The following ANKRD40 variants were observed in gnomAD, a reference collection of about 807,000 sequenced individuals.
ANKRD40 encodes the protein ankyrin repeat domain-containing protein 40.
In ANKRD40, 24 loss-of-function variants were observed where a neutral mutation model predicts 35.5. The observed-to-expected ratio is 0.68, with a 90% CI of 0.49 to 0.95. The LOEUF is 0.95. Among genes scored for constraint, ANKRD40 ranks in the 40% least tolerant of loss-of-function variants. The pLI is 0.00. For synonymous variants in ANKRD40, 147 were observed against 173.5 expected, an observed-to-expected ratio of 0.85 and a Z score of 1.20; for missense variants, 361 against 436.0, an observed-to-expected ratio of 0.83 and a Z score of 1.53.
chr17:50,704,033 G>C (rs1360486418), intron 1 of ANKRD40, among the ~76,000 whole-genome samples: 1 of 151,888 alleles, frequency 6.6e-6, no homozygotes. Flanking sequence ...TGGCTGACTG[G>C]ATGTCGGCTA....
At chr17:50,700,448 A>C in intron 2 of ANKRD40, 120 bp downstream of exon 2, 1 of 948,144 alleles carries the variant, frequency 1.1e-6, no homozygotes, top group Non-Finnish European at 1.4e-6. Context: ...CGTCTCGGAA[A>C]AAAAAAAAAA....
intron 3 of ANKRD40, among the ~76,000 whole-genome samples, chr17:50,698,564 G>T (rs1968226401): frequency 6.6e-6 from 1 of 152,144 alleles, no homozygotes; most frequent in Non-Finnish European, 1.5e-5. Context: ...AAAGGGTAAA[G>T]ATTCCAGATT....
chr17:50,707,765 G>A lies in ANKRD40; in HGVS notation c.-111C>T. 1.3e-6 allele frequency: 1 copy of A among 773,996 alleles called. No homozygotes were observed. The highest frequency in any genetic ancestry group is 1.6e-6 in the Non-Finnish European group (1 of 615,650). The allele number at this position is 773,996 out of a possible 1,614,324, so 47.9% of individuals were successfully genotyped here. ...GCTCCCGGCCATGGGGAGGGAGCGC[G>A]GAACTCGCCCGCCCTGCTCGCGCCG... On this transcript the variant is annotated 5_prime_UTR_variant, in exon 1 of 5. Transcript: ENST00000285243. The surrounding 1 kb of genome is among the most constrained non-coding windows in gnomAD (Gnocchi z 4.8).
intron 1 of ANKRD40, among the ~76,000 whole-genome samples, chr17:50,706,634 G>C (rs970582245): frequency 2.0e-5 from 3 of 151,122 alleles, no homozygotes; most frequent in Non-Finnish European, 4.4e-5. Context: ...GGAACGGTAG[G>C]CTCACATCTG....
chr17:50,700,495 G>T, intron 2 of ANKRD40, 73 bp downstream of exon 2: 181 of 1,271,500 alleles, frequency 1.4e-4, no homozygotes, highest in Non-Finnish European at 1.9e-4. Flanking sequence ...CCAGCATTAA[G>T]AACGTAGCCA....
intron 2 of ANKRD40, 73 bp from the exon 3 acceptor site, chr17:50,699,966 G>C (rs1376197880): frequency 2.9e-6 from 4 of 1,380,124 alleles, no homozygotes; most frequent in Non-Finnish European, 3.8e-6. Flanking sequence ...TTTGAAAGTG[G>C]TGTCTTTTGG....
chr17:50,694,103 C>G lies in ANKRD40; in HGVS notation c.*1894G>C, dbSNP rs888428979. On this transcript the variant is annotated 3_prime_UTR_variant, in exon 5 of 5. Coordinates refer to ENST00000285243, the MANE Select transcript of ANKRD40 (RefSeq NM_052855.4). ...TGAGATTATGCCACTGCACTTCAGC[C>G]TGGGCAACAAAGCAAGACTCCGTCT... The G allele has an allele frequency of 3.0e-5, 3 of 98,370 alleles. No individual in the cohort carries two copies. The highest frequency in any genetic ancestry group is 1.2e-4 in the African/African-American group (3 of 24,420). The allele number at this position is 98,370 out of a possible 1,614,324, so 6.1% of individuals were successfully genotyped here.
At chr17:50,698,566 T>G (rs748408305) in intron 3 of ANKRD40, among the ~76,000 whole-genome samples, 3 of 152,082 alleles carry the variant, frequency 2.0e-5, no homozygotes, top group Non-Finnish European at 4.4e-5. Context: ...AGGGTAAAGA[T>G]TCCAGATTAA....
chr17:50,696,818 A>T (rs1167364543), intron 4 of ANKRD40, 122 bp downstream of exon 4: 2 of 991,144 alleles, frequency 2.0e-6, no homozygotes, highest in Non-Finnish European at 2.8e-6. Context: ...TACATTTGGA[A>T]AATCACTCTT....
chr17:50,699,893 A>G lies in ANKRD40; in HGVS notation c.284T>C (p.Val95Ala), dbSNP rs149209063. ...SRREIRKIMG[V>A]EEEDDDDDDD... is the part of the protein sequence containing the mutation. ...ATCATCATCATCATCTTCTTCTTCC[A>G]CTTAAAAAGAAGAAAACAGAACATT... Residue 95 changes from valine to alanine, a missense_variant and splice_region_variant, in exon 3 of 5, where the codon GTG becomes GCG. By Grantham distance (64) the Val-to-Ala change is moderately conservative (BLOSUM62 0). Around this residue, in one of 5 missense-constraint regions of ANKRD40, gnomAD observed 35 missense variants for 68.4 expected, o/e 0.51. Coordinates refer to ENST00000285243, the MANE Select transcript of ANKRD40 (RefSeq NM_052855.4). The G allele has an allele frequency of 1.1e-5, 17 of 1,503,810 alleles. No individual in the cohort carries two copies. The highest frequency in any genetic ancestry group is 1.5e-5 in the Non-Finnish European group (17 of 1,127,478). 93.2% of individuals were successfully genotyped at this position (1,503,810 alleles called of 1,614,324 possible). A position where few individuals can be genotyped will look rare whatever the true frequency, so the allele number is the denominator to read the frequency against.
chr17:50,704,417 G>A (rs1968304807), intron 1 of ANKRD40, among the ~76,000 whole-genome samples: 1 of 150,666 alleles, frequency 6.6e-6, no homozygotes, highest in Non-Finnish European at 1.5e-5. Flanking sequence ...TTGGGAGGAT[G>A]AGGCAGGAGA....
chr17:50,700,445 G>GAAA (rs879249092), intron 2 of ANKRD40, 123 bp downstream of exon 2: 122 of 798,404 alleles, frequency 1.5e-4, no homozygotes, highest in South Asian at 4.2e-4. Flanking sequence ...CTCCGTCTCG[G>GAAA]AAAAAAAAAA....
rs570514664 is a variant in ANKRD40 at position 50,695,322 on chromosome 17, A to T, written c.*675T>A. Reference sequence around the variant, plus strand: ...ATGCAGAGATGACTCGAGACAGAGAAGCAGTCATGAGTGTTTACAAAGGAA... The same window carrying T: ...ATGCAGAGATGACTCGAGACAGAGATGCAGTCATGAGTGTTTACAAAGGAA... On this transcript the variant is annotated 3_prime_UTR_variant, in exon 5 of 5. Transcript: ENST00000285243. 2.2e-4 allele frequency: 33 copies of T among 152,536 alleles called. No homozygotes were observed. Among genetic ancestry groups the T allele is most frequent in the African/African-American group, 6.7e-4 (28 of 41,580 alleles). 9.4% of individuals were successfully genotyped at this position (152,536 alleles called of 1,614,324 possible). A position where few individuals can be genotyped will look rare whatever the true frequency, so the allele number is the denominator to read the frequency against.
At position 50,695,444 on chromosome 17, in the gene ANKRD40, T is replaced by C. The variant is rs558650930; in HGVS notation, c.*553A>G. On this transcript the variant is annotated 3_prime_UTR_variant, in exon 5 of 5. Transcript: ENST00000285243. ...TTAACCTGAGTAACATTTATAAATA[T>C]GTTATAGGAAACCTCACAGTCACAA... 1.3e-5 allele frequency: 2 copies of C among 152,826 alleles called. No individual in the cohort carries two copies. The highest frequency in any genetic ancestry group is 6.5e-5 in the Admixed American group (1 of 15,302). 9.5% of individuals were successfully genotyped at this position (152,826 alleles called of 1,614,324 possible). A position where few individuals can be genotyped will look rare whatever the true frequency, so the allele number is the denominator to read the frequency against.
intron 4 of ANKRD40, 64 bp downstream of exon 4, chr17:50,696,876 C>T: frequency 1.4e-6 from 2 of 1,441,054 alleles, no homozygotes; most frequent in Non-Finnish European, 9.3e-7. Flanking sequence ...CTCATATAAC[C>T]AAGGAGGGGG....
chr17:50,707,825 C>A lies in ANKRD40; in HGVS notation c.-171G>T. 1 of 262,496 alleles carries A rather than the reference C, an allele frequency of 3.8e-6. No homozygotes were observed. Among genetic ancestry groups the A allele is most frequent in the Non-Finnish European group, 6.0e-6 (1 of 165,610 alleles). The allele number at this position is 262,496 out of a possible 1,614,324, so 16.3% of individuals were successfully genotyped here. A position where few individuals can be genotyped will look rare whatever the true frequency, so the allele number is the denominator to read the frequency against. ...CCCGCCCCGGGACTTCCGCTCCCTCCCGCGGGCCGCCCCTGCTGCTCCCGG... is the reference window on the plus strand; with the variant it reads ...CCCGCCCCGGGACTTCCGCTCCCTCACGCGGGCCGCCCCTGCTGCTCCCGG... On this transcript the variant is annotated 5_prime_UTR_variant, in exon 1 of 5. Transcript: ENST00000285243. This position sits in a 1 kb window ranked among gnomAD's most constrained non-coding sequence, Gnocchi z 4.8.
At chr17:50,700,525 A>G in intron 2 of ANKRD40, 43 bp downstream of exon 2, 2 of 1,598,400 alleles carry the variant, frequency 1.3e-6, no homozygotes, top group South Asian at 2.2e-5. Context: ...CAAGTCTTCA[A>G]TGAGTCTGAG....
chr17:50,700,605 C>T lies in ANKRD40; in HGVS notation c.246G>A (p.Gln82=). 6.2e-7 allele frequency: 1 copy of T among 1,614,118 alleles called. No homozygotes were observed. The highest frequency in any genetic ancestry group is 8.5e-7 in the Non-Finnish European group (1 of 1,180,022). Residue 82 remains glutamine (Q), a synonymous_variant, in exon 2 of 5, where the codon CAG becomes CAA. Transcript: ENST00000285243. ...ILTTKGEMPV[Q]LTSRREIRKI... is the part of the protein sequence containing the mutation. ...TCCTGATTTCTCTCCTTGATGTTAACTGGACTGGCATTTCTCCTTTTGTGG... is the reference window on the plus strand; with the variant it reads ...TCCTGATTTCTCTCCTTGATGTTAATTGGACTGGCATTTCTCCTTTTGTGG...
intron 1 of ANKRD40, among the ~76,000 whole-genome samples, chr17:50,706,362 C>T (rs559848832): frequency 6.0e-5 from 9 of 150,880 alleles, no homozygotes; most frequent in Middle Eastern, 7.1e-3. Flanking sequence ...CCTCGTGATC[C>T]GCCCACCTCA....
Sources: gnomAD v4.1 joint callset for allele counts (sites outside exome capture counted in the v4.1 genomes callset) on GRCh38, gnomAD v4.1.1 for gene constraint, gnomAD v4.1.1 regional missense constraint, Gnocchi (gnomAD v3.1) non-coding constraint, MANE v1.5 for transcripts, NCBI Gene and HGNC (gene_info 2026-07-23, HGNC 2026-07-21) for gene names.